PRH1: variants seen among roughly 807,000 people sequenced by gnomAD.
PRH1 encodes salivary acidic proline-rich phosphoprotein 1/2.
In PRH1, 7 loss-of-function variants were observed where a neutral mutation model predicts 7.9. The observed-to-expected ratio is 0.89, with a 90% CI of 0.50 to 1.67. The LOEUF (loss-of-function observed/expected upper bound fraction) is 1.67, where lower values mean the gene tolerates loss of function less well. Ranked by LOEUF, PRH1 falls within the 40% of genes most tolerant of loss-of-function variation. PRH1 has a pLI of 0.00. For synonymous variants in PRH1, 45 were observed against 80.8 expected (o/e 0.56, Z 2.38); for missense variants, 109 against 223.6 (o/e 0.49, Z 3.27).
chr12:11,141,068 T>A (rs1239303813), intron 1 of PRH1, among the ~76,000 whole-genome samples: 8 of 152,032 alleles, frequency 5.3e-5, no homozygotes. Context: ...CATACACACA[T>A]ACTCACCCCT....
At chr12:11,038,970 T>C (rs1591865405) in intron 1 of PRH1, among the ~76,000 whole-genome samples, 1 of 152,356 alleles carries the variant, frequency 6.6e-6, no homozygotes, top group East Asian at 1.9e-4. Context: ...TGGAGATATT[T>C]CCTTTAATCA....
chr12:10,954,659 T>C (rs1316196273), intron 2 of PRH1, among the ~76,000 whole-genome samples: 1 of 152,062 alleles, frequency 6.6e-6, no homozygotes, highest in African/African-American at 2.4e-5. Flanking sequence ...TTTTTCTTGA[T>C]AGAGACAGGA....
intron 3 of PRH1, among the ~76,000 whole-genome samples, chr12:10,882,010 CA>C (rs1359660251): frequency 6.6e-6 from 1 of 152,194 alleles, no homozygotes; most frequent in Non-Finnish European, 1.5e-5. Flanking sequence ...TAGTGATTCT[CA>C]AAATCAGAAT....
chr12:10,948,240 T>C (rs1950517602), intron 2 of PRH1, among the ~76,000 whole-genome samples: 1 of 152,256 alleles, frequency 6.6e-6, no homozygotes, highest in Non-Finnish European at 1.5e-5. Context: ...GTTTGCTTTC[T>C]GGCTCTCCCT....
chr12:11,060,828 G>A (rs185939885), intron 1 of PRH1, among the ~76,000 whole-genome samples: 49 of 152,336 alleles, frequency 3.2e-4, no homozygotes, highest in African/African-American at 1.1e-3. Context: ...ATTCATAATG[G>A]AATAAAACCT....
intron 2 of PRH1, chr12:10,908,426 G>C (rs1949837654): frequency 6.2e-7 from 1 of 1,613,272 alleles, no homozygotes; most frequent in Non-Finnish European, 8.5e-7. Context: ...CCAAAAGAAA[G>C]GCCTGTCTTA....
At chr12:11,153,847 T>A (rs1388655665) in intron 1 of PRH1, among the ~76,000 whole-genome samples, 2 of 152,124 alleles carry the variant, frequency 1.3e-5, no homozygotes, top group African/African-American at 4.8e-5. Flanking sequence ...ATCTTATGAA[T>A]GGGTAGATAT....
chr12:11,165,048 TAG>T (rs111801310), intron 1 of PRH1, among the ~76,000 whole-genome samples: 1 of 152,212 alleles, frequency 6.6e-6, no homozygotes, highest in African/African-American at 2.4e-5. Context: ...GTAGAATGTT[TAG>T]AGTCATTTGT....
chr12:10,975,757 A>T (rs1939062886), intron 1 of PRH1, among the ~76,000 whole-genome samples: 1 of 152,056 alleles, frequency 6.6e-6, no homozygotes, highest in Admixed American at 6.6e-5. Context: ...ATAGAAAAAA[A>T]AAAACAGAGT....
intron 1 of PRH1, among the ~76,000 whole-genome samples, chr12:11,090,518 A>G (rs1306328382): frequency 1.0e-5 from 1 of 96,560 alleles, no homozygotes; most frequent in Non-Finnish European, 2.5e-5. Flanking sequence ...CTGCATATGC[A>G]TAACTGATGA....
intron 2 of PRH1, among the ~76,000 whole-genome samples, chr12:10,962,294 A>AT (rs1451579234): frequency 6.6e-6 from 1 of 152,178 alleles, no homozygotes; most frequent in Admixed American, 6.5e-5. Flanking sequence ...ATTGAAATGC[A>AT]TTTTTTACAT....
chr12:10,964,971 C>T, intron 2 of PRH1: 1 of 667,872 alleles, frequency 1.5e-6, no homozygotes, highest in Non-Finnish European at 2.6e-6. Flanking sequence ...ACTGGAATGA[C>T]ACTCTTAATT....
chr12:11,017,741 C>T (rs1177962457), intron 1 of PRH1, among the ~76,000 whole-genome samples: 2 of 151,996 alleles, frequency 1.3e-5, no homozygotes, highest in African/African-American at 2.4e-5. Context: ...GATCTGCCTG[C>T]GTTGGTCTCC....
At chr12:10,882,871 G>A (rs1479985476) in intron 2 of PRH1, among the ~76,000 whole-genome samples, 173 bp from the exon 3 acceptor site, 1 of 152,084 alleles carries the variant, frequency 6.6e-6, no homozygotes, top group Non-Finnish European at 1.5e-5. Context: ...CCACATAAGG[G>A]TGATGAAAAA....
chr12:10,985,484 T>C (rs1939566325), intron 1 of PRH1, among the ~76,000 whole-genome samples: 1 of 152,142 alleles, frequency 6.6e-6, no homozygotes, highest in Admixed American at 6.5e-5. Context: ...TCAAAAAATT[T>C]AGATGTTTAA....
intron 1 of PRH1, chr12:11,134,357 G>C (rs1946485675): frequency 8.5e-7 from 1 of 1,183,098 alleles, no homozygotes; most frequent in East Asian, 2.6e-5. Context: ...TATGTGCTGT[G>C]ACATTCTTTT....
intron 1 of PRH1, among the ~76,000 whole-genome samples, chr12:11,149,274 G>A (rs1396412260): frequency 3.3e-5 from 5 of 152,022 alleles, no homozygotes; most frequent in Non-Finnish European, 7.4e-5. Flanking sequence ...GGTTCTTTGT[G>A]TCTCTATTTC....
At chr12:10,952,017 C>T (rs912633017) in intron 2 of PRH1, among the ~76,000 whole-genome samples, 2 of 152,120 alleles carry the variant, frequency 1.3e-5, no homozygotes, top group African/African-American at 2.4e-5. Flanking sequence ...CTTAGGATAG[C>T]TATCTATTAA....
At chr12:10,910,891 TAC>T (rs1949889905) in intron 2 of PRH1, among the ~76,000 whole-genome samples, 1 of 152,230 alleles carries the variant, frequency 6.6e-6, no homozygotes, top group African/African-American at 2.4e-5. Context: ...TTGGGTGATC[TAC>T]AGAGTACTAA....
Sources: allele counts gnomAD v4.1 joint callset (sites outside exome capture counted in the v4.1 genomes callset), GRCh38; gene constraint gnomAD v4.1.1; transcripts MANE v1.5; gene names NCBI Gene and HGNC (gene_info 2026-07-23, HGNC 2026-07-21).